The following TAFA5 variants were observed in gnomAD, a reference collection of about 807,000 sequenced individuals.
The protein encoded by TAFA5 is TAFA chemokine like family member 5.
A neutral mutation model predicts 15.3 loss-of-function variants in TAFA5; 6 were observed. The ratio of observed to expected loss-of-function variants is 0.39; its 90% confidence interval spans 0.21 to 0.77. TAFA5 has a LOEUF of 0.77. Among genes scored for constraint, TAFA5 ranks in the 30% least tolerant of loss-of-function variants. The pLI is 0.41. For synonymous variants in TAFA5, 103 were observed against 80.7 expected, an observed-to-expected ratio of 1.28 and a Z score of -1.48; for missense variants, 161 against 193.1, an observed-to-expected ratio of 0.83 and a Z score of 0.98.
chr22:48,736,642 A>G (rs573237322), intron 3 of TAFA5, among the ~76,000 whole-genome samples: 1 of 152,372 alleles, frequency 6.6e-6, no homozygotes, highest in South Asian at 2.1e-4. Flanking sequence ...CATGACTGGA[A>G]TATTATTCAG....
chr22:48,606,733 G>A (rs923866342), intron 1 of TAFA5, among the ~76,000 whole-genome samples: 7 of 152,316 alleles, frequency 4.6e-5, no homozygotes, highest in Admixed American at 1.3e-4. Context: ...GGAGTGCCGC[G>A]TGTTTCCCCT....
At chr22:48,700,572 G>T (rs903896084) in intron 2 of TAFA5, among the ~76,000 whole-genome samples, 1 of 150,368 alleles carries the variant, frequency 6.7e-6, no homozygotes, top group Admixed American at 6.6e-5. Context: ...GCGGGCCTGG[G>T]TTTCTTCTCC....
intron 1 of TAFA5, among the ~76,000 whole-genome samples, chr22:48,564,332 C>G (rs1467192062): frequency 3.3e-5 from 5 of 152,244 alleles, no homozygotes; most frequent in Non-Finnish European, 7.3e-5. Context: ...CTTCAGGGCA[C>G]GTTGGGTTTT....
At chr22:48,663,040 C>A (rs778907010) in intron 2 of TAFA5, among the ~76,000 whole-genome samples, 3 of 152,158 alleles carry the variant, frequency 2.0e-5, no homozygotes, top group African/African-American at 4.8e-5. Context: ...GCAGGAGGGA[C>A]GTGGGGATGC....
chr22:48,580,832 C>T (rs953509242), intron 1 of TAFA5, among the ~76,000 whole-genome samples: 1 of 152,152 alleles, frequency 6.6e-6, no homozygotes, highest in Non-Finnish European at 1.5e-5. Flanking sequence ...TGGAGGGGTG[C>T]TGGGCTTTGT....
chr22:48,643,240 C>T (rs770453159), intron 1 of TAFA5, among the ~76,000 whole-genome samples: 4 of 152,240 alleles, frequency 2.6e-5, no homozygotes, highest in Admixed American at 6.5e-5. Context: ...CTGCCCGGTG[C>T]GTGGCTCGCT....
chr22:48,576,570 A>T, intron 1 of TAFA5: 2 of 1,486,460 alleles, frequency 1.3e-6, no homozygotes. Context: ...TCCTCAAAGA[A>T]GGTAATTGTC....
intron 1 of TAFA5, among the ~76,000 whole-genome samples, chr22:48,537,215 AGGGTGGGGCAG>A (rs1386471245): frequency 1.3e-5 from 1 of 74,842 alleles, no homozygotes; most frequent in Admixed American, 1.4e-4. Context: ...GGGTGGGGGC[AGGGTGGGGCAG>A]GGGAGGCCGG....
intron 1 of TAFA5, among the ~76,000 whole-genome samples, chr22:48,529,787 G>GT (rs920616158): frequency 1.3e-5 from 2 of 152,032 alleles, no homozygotes; most frequent in Non-Finnish European, 2.9e-5. Context: ...GACGGGGAGG[G>GT]TGTGTGGTCA....
intron 1 of TAFA5, among the ~76,000 whole-genome samples, chr22:48,540,491 G>A (rs1449791219): frequency 6.6e-6 from 1 of 152,062 alleles, no homozygotes; most frequent in Non-Finnish European, 1.5e-5. Flanking sequence ...GGTCTAATGG[G>A]GCACATAAGC....
chr22:48,593,334 G>A (rs897289244), intron 1 of TAFA5, among the ~76,000 whole-genome samples: 2 of 152,188 alleles, frequency 1.3e-5, no homozygotes, highest in Admixed American at 6.5e-5. Context: ...ATAGAGGCAC[G>A]GGGCAGGGGA....
At chr22:48,702,359 C>A (rs1426528517) in intron 2 of TAFA5, among the ~76,000 whole-genome samples, 1 of 152,012 alleles carries the variant, frequency 6.6e-6, no homozygotes, top group Non-Finnish European at 1.5e-5. Flanking sequence ...TGGGGTCCTA[C>A]AGAGGCTTGA....
intron 1 of TAFA5, among the ~76,000 whole-genome samples, chr22:48,636,952 T>A (rs561071938): frequency 1.3e-5 from 2 of 152,276 alleles, no homozygotes; most frequent in East Asian, 3.9e-4. Context: ...CTCTGGACCC[T>A]CCTGGCCCCT....
chr22:48,523,297 CA>C (rs1266386992), intron 1 of TAFA5, among the ~76,000 whole-genome samples: 1 of 152,246 alleles, frequency 6.6e-6, no homozygotes, highest in Non-Finnish European at 1.5e-5. Flanking sequence ...CAGCCTCCAC[CA>C]GGGCCAGTTC....
chr22:48,671,719 A>T (rs959235227), intron 2 of TAFA5, among the ~76,000 whole-genome samples: 1 of 152,142 alleles, frequency 6.6e-6, no homozygotes, highest in African/African-American at 2.4e-5. Context: ...TGGAAACACA[A>T]GCAAACAGTG....
At chr22:48,574,825 G>C (rs1923704270) in intron 1 of TAFA5, among the ~76,000 whole-genome samples, 1 of 152,212 alleles carries the variant, frequency 6.6e-6, no homozygotes, top group Non-Finnish European at 1.5e-5. Flanking sequence ...CCCTGCTCTG[G>C]GGAGCGGGGT....
chr22:48,588,815 G>A (rs888442959), intron 1 of TAFA5, among the ~76,000 whole-genome samples: 6 of 152,244 alleles, frequency 3.9e-5, no homozygotes, highest in Middle Eastern at 3.4e-3. Context: ...ACCCGTCCCC[G>A]AGACCATTCC....
chr22:48,653,681 T>G (rs1569065384), intron 2 of TAFA5, among the ~76,000 whole-genome samples: 1 of 152,158 alleles, frequency 6.6e-6, no homozygotes, highest in East Asian at 1.9e-4. Context: ...AACCACACAG[T>G]AGCTGCATGG....
At chr22:48,535,771 G>A (rs77682897) in intron 1 of TAFA5, among the ~76,000 whole-genome samples, 5,101 of 149,526 alleles carry the variant, frequency 0.034, 297 homozygotes, top group African/African-American at 0.12. Context: ...ACATGTATGA[G>A]CACTCATGCG....
Sources: gnomAD v4.1 joint callset for allele counts (sites outside exome capture counted in the v4.1 genomes callset) on GRCh38, gnomAD v4.1.1 for gene constraint, MANE v1.5 for transcripts, NCBI Gene and HGNC (gene_info 2026-07-23, HGNC 2026-07-21) for gene names.